Variants in SMARCAD1 observed in about 807,000 individuals in gnomAD.
The protein encoded by SMARCAD1 is SNF2 related chromatin remodeling ATPase with DExD box 1, also known as SWI/SNF-related matrix-associated actin-dependent regulator of chromatin subfamily A containing DEAD/H box 1.
Under a neutral mutation model 127.1 loss-of-function variants are expected in SMARCAD1, and 25 were observed. The ratio of observed to expected loss-of-function variants is 0.20; its 90% CI spans 0.14 to 0.27. SMARCAD1 has a LOEUF of 0.27. SMARCAD1 is among the 10% of genes least tolerant of loss of function. The pLI, the probability that SMARCAD1 is intolerant of heterozygous loss-of-function variation, is 1.00. For synonymous variants in SMARCAD1, 400 were observed against 396.9 expected, an observed-to-expected ratio of 1.01 and a Z score of -0.09; for missense variants, 807 against 1,206.0, an observed-to-expected ratio of 0.67 and a Z score of 4.90.
intron 9 of SMARCAD1, among the ~76,000 whole-genome samples, chr4:94,263,639 G>A (rs2125950323): frequency 6.6e-6 from 1 of 152,076 alleles, no homozygotes; most frequent in South Asian, 2.1e-4. Flanking sequence ...ACTATTGCTT[G>A]AGCTTTTTGC....
intron 19 of SMARCAD1, 83 bp downstream of exon 19, chr4:94,279,133 A>C (rs1311440038): frequency 1.3e-6 from 2 of 1,561,840 alleles, no homozygotes; most frequent in Non-Finnish European, 1.8e-6. Flanking sequence ...CCCAATGGGC[A>C]TACTAAACCT....
At chr4:94,287,013 C>T (rs559312710) in intron 23 of SMARCAD1, among the ~76,000 whole-genome samples, 192 of 152,262 alleles carry the variant, frequency 1.3e-3, no homozygotes, top group African/African-American at 4.3e-3. Flanking sequence ...TATAGGTGCC[C>T]GCCTCCATGC....
chr4:94,232,979 C>T (rs897387420), intron 3 of SMARCAD1, among the ~76,000 whole-genome samples: 3 of 151,548 alleles, frequency 2.0e-5, no homozygotes, highest in African/African-American at 7.3e-5. Flanking sequence ...AACCCCGTCT[C>T]AAAAAAAGAA....
intron 10 of SMARCAD1, among the ~76,000 whole-genome samples, chr4:94,268,858 C>T (rs143955537): frequency 6.6e-6 from 1 of 152,274 alleles, no homozygotes; most frequent in East Asian, 1.9e-4. Flanking sequence ...CCAGTTTTAG[C>T]ATTTACTCTC....
Position 94,208,487 on chromosome 4 carries a change from C to T in SMARCAD1, c.93C>T (p.Gly31=). 7 of 1,614,074 alleles carry T rather than the reference C, an allele frequency of 4.3e-6. No individual in the cohort carries two copies. Among genetic ancestry groups the T allele is most frequent in the Non-Finnish European group, 5.9e-6 (7 of 1,180,004 alleles). Residue 31 remains glycine, a synonymous_variant, in exon 2 of 24, where the codon GGC becomes GGT. Transcript: ENST00000354268. ...PEATPQPSQP[G]PSSPISLSAE... ...CAACCCCTCAACCTTCCCAGCCTGG[C>T]CCTTCTTCACCAATTTCTCTTAGTG...
intron 3 of SMARCAD1, among the ~76,000 whole-genome samples, chr4:94,233,278 A>G (rs1248726324): frequency 6.6e-6 from 1 of 152,222 alleles, no homozygotes; most frequent in Non-Finnish European, 1.5e-5. Flanking sequence ...TAGAGTGCCT[A>G]CCATGTTTGA....
intron 22 of SMARCAD1, among the ~76,000 whole-genome samples, chr4:94,284,087 G>A (rs865988926): frequency 2.8e-4 from 42 of 151,478 alleles, no homozygotes; most frequent in African/African-American, 9.7e-4. Context: ...TTTGGGAGGC[G>A]AAGGCGGGTG....
intron 6 of SMARCAD1, among the ~76,000 whole-genome samples, chr4:94,246,956 C>T (rs1009870376): frequency 8.5e-5 from 13 of 152,254 alleles, no homozygotes; most frequent in Middle Eastern, 3.4e-3. Context: ...GCAAAAATAC[C>T]ACATCCTGTA....
At chr4:94,240,380 C>T (rs1214963181) in intron 5 of SMARCAD1, among the ~76,000 whole-genome samples, 2 of 152,152 alleles carry the variant, frequency 1.3e-5, no homozygotes, top group Non-Finnish European at 2.9e-5. Flanking sequence ...GCATTTGTTG[C>T]TTAAGCTCTC....
intron 9 of SMARCAD1, among the ~76,000 whole-genome samples, chr4:94,262,041 C>G (rs560363200): frequency 6.6e-6 from 1 of 152,154 alleles, no homozygotes; most frequent in East Asian, 1.9e-4. Flanking sequence ...TGTTGGTGTT[C>G]TTCAAGGTTT....
At position 94,289,826 on chromosome 4, in the gene SMARCAD1, C is replaced by G. The variant is rs1560575971; in HGVS notation, c.*292C>G. The G allele has an allele frequency of 1.9e-6, 1 of 517,662 alleles. No individual in the cohort carries two copies. The highest frequency in any genetic ancestry group is 3.7e-6 in the Non-Finnish European group (1 of 268,892). 32.1% of individuals were successfully genotyped at this position (517,662 alleles called of 1,614,324 possible). A position where few individuals can be genotyped will look rare whatever the true frequency, so the allele number is the denominator to read the frequency against. ...TTGGTGATTGTTTGTAACAAATATG[C>G]TAATGCTTTAGAAATGTCAGTATTT... On this transcript the variant is annotated 3_prime_UTR_variant, in exon 24 of 24. Coordinates refer to ENST00000354268, the MANE Select transcript of SMARCAD1 (RefSeq NM_020159.5).
intron 6 of SMARCAD1, among the ~76,000 whole-genome samples, chr4:94,249,202 C>T (rs1026640076): frequency 1.3e-5 from 2 of 152,034 alleles, no homozygotes; most frequent in African/African-American, 4.8e-5. Flanking sequence ...AATATTTAAG[C>T]CATTCTGTGA....
intron 10 of SMARCAD1, 31 bp downstream of exon 10, chr4:94,264,937 T>A: frequency 6.4e-7 from 1 of 1,563,906 alleles, no homozygotes; most frequent in African/African-American, 1.4e-5. Context: ...TTATTCGTAT[T>A]TTATCTCAAT....
At position 94,226,303 on chromosome 4, in the gene SMARCAD1, T is replaced by A; in HGVS notation, c.368+7T>A. On this transcript the variant is annotated splice_region_variant and intron_variant, in intron 3 of 23. Transcript: ENST00000354268. Reference sequence around the variant, plus strand: ...AAGATACAGTGATTATAGTGTAAGCTGATTAATAGATATATTGTATTTGCA... The same window carrying A: ...AAGATACAGTGATTATAGTGTAAGCAGATTAATAGATATATTGTATTTGCA... 6.2e-7 allele frequency: 1 copy of A among 1,602,766 alleles called. No homozygotes were observed.
intron 2 of SMARCAD1, among the ~76,000 whole-genome samples, chr4:94,209,905 AG>A (rs1329960938): frequency 2.0e-5 from 3 of 152,246 alleles, no homozygotes; most frequent in African/African-American, 7.2e-5. Context: ...AGGAAAGCCA[AG>A]GTGTAGACAT....
chr4:94,211,009 A>G (rs1213398230), intron 2 of SMARCAD1, among the ~76,000 whole-genome samples: 1 of 150,986 alleles, frequency 6.6e-6, no homozygotes, highest in African/African-American at 2.4e-5. Context: ...ACAGTGGATC[A>G]CCCCTGTAAT....
In SMARCAD1 at chr4:94,285,073, AGTT is replaced by A. The variant is rs758110062; in HGVS notation, c.3019+8_3019+10del. The A allele has an allele frequency of 1.3e-6, 2 of 1,574,100 alleles. No homozygotes were observed. The highest frequency in any genetic ancestry group is 3.4e-5 in the Admixed American group (2 of 58,994). ...GATATGACTACAGTAGATGAAGGTG[AGTT>A]GTTTGTAAGCAGAAACTTCAATATT... On this transcript the variant is annotated splice_donor_5th_base_variant and intron_variant, in intron 23 of 23. Transcript: ENST00000354268.
At chr4:94,281,745 G>T (rs989845497) in intron 21 of SMARCAD1, among the ~76,000 whole-genome samples, 155 bp downstream of exon 21, 2 of 152,106 alleles carry the variant, frequency 1.3e-5, no homozygotes, top group African/African-American at 4.8e-5. Context: ...CAATGGTCAG[G>T]CATGGTGGCT....
At chr4:94,273,589 G>A (rs62320430) in intron 11 of SMARCAD1, 28 bp from the exon 12 acceptor site, 36,171 of 1,489,792 alleles carry the variant, frequency 0.024, 601 homozygotes, top group Middle Eastern at 0.058. Context: ...GTTTTAAAAT[G>A]TTATATATTG....
Sources: gnomAD v4.1 joint callset for allele counts (sites outside exome capture counted in the v4.1 genomes callset) on GRCh38, gnomAD v4.1.1 for gene constraint, MANE v1.5 for transcripts, NCBI Gene and HGNC (gene_info 2026-07-23, HGNC 2026-07-21) for gene names.